GRID1: variants seen among roughly 807,000 people sequenced by gnomAD.
GRID1 encodes glutamate receptor ionotropic, delta-1.
Under a neutral mutation model 98.0 loss-of-function variants are expected in GRID1, and 28 were observed. The observed-to-expected ratio is 0.29, with a 90% CI of 0.21 to 0.39. GRID1 has a LOEUF of 0.39. Ranked by LOEUF, GRID1 falls within the 10% of genes least tolerant of loss-of-function variation. GRID1 has a pLI of 1.00. For missense variants in GRID1, 1,111 were observed against 1,340.5 expected (o/e 0.83, Z 2.67); for synonymous variants, 553 against 538.5 (o/e 1.03, Z -0.37).
chr10:85,637,464 G>C (rs1165400601), intron 13 of GRID1, among the ~76,000 whole-genome samples: 1 of 152,180 alleles, frequency 6.6e-6, no homozygotes, highest in Non-Finnish European at 1.5e-5. Context: ...TAGAACTCAG[G>C]AGGCTGAAGC....
At position 85,785,492 on chromosome 10, in the gene GRID1, G is replaced by A. The variant is rs532606523; in HGVS notation, c.1234-55878C>T. On this transcript the variant is annotated intron_variant, in intron 8 of 15. Coordinates refer to ENST00000327946, the MANE Select transcript of GRID1 (RefSeq NM_017551.3). The stretch of plus-strand genomic sequence containing the variant: ...GAATGACCACAGCTCTGCCGTGGCA[G>A]GCTTTGGGTTCCCCTCCATAAGCTG... Among the ~76,000 whole-genome samples, 259 of 152,338 alleles carry A rather than the reference G, an allele frequency of 1.7e-3. 1 individual carries two copies. Among genetic ancestry groups the A allele is most frequent in the African/African-American group, 6.0e-3 (250 of 41,580 alleles).
chr10:86,162,625 C>A (rs1421809698), intron 3 of GRID1, among the ~76,000 whole-genome samples: 3 of 152,188 alleles, frequency 2.0e-5, no homozygotes, highest in African/African-American at 4.8e-5. Context: ...GGTCTTGGGG[C>A]CAACTTTTCA....
At chr10:86,125,764 A>C (rs1477895127) in intron 4 of GRID1, among the ~76,000 whole-genome samples, 2 of 152,190 alleles carry the variant, frequency 1.3e-5, no homozygotes, top group Non-Finnish European at 2.9e-5. Flanking sequence ...CTCAACATGA[A>C]GATAACAAGG....
intron 4 of GRID1, among the ~76,000 whole-genome samples, chr10:85,946,973 G>A (rs1428960686): frequency 6.6e-6 from 1 of 152,174 alleles, no homozygotes; most frequent in Middle Eastern, 3.2e-3. Flanking sequence ...AGAGACAACA[G>A]CAAGTCCAGA....
chr10:85,800,688 A>G (rs1455460182), intron 8 of GRID1, among the ~76,000 whole-genome samples: 1 of 152,094 alleles, frequency 6.6e-6, no homozygotes, highest in Non-Finnish European at 1.5e-5. Context: ...GGAGATAAGG[A>G]CAGAAATTAA....
chr10:85,726,192 C>A (rs1841758202), intron 10 of GRID1, among the ~76,000 whole-genome samples: 1 of 152,012 alleles, frequency 6.6e-6, no homozygotes, highest in South Asian at 2.1e-4. Context: ...CAATTTTATG[C>A]CCCAAAATCT....
At chr10:86,349,450 G>A (rs1028197343) in intron 2 of GRID1, among the ~76,000 whole-genome samples, 19 of 152,210 alleles carry the variant, frequency 1.2e-4, no homozygotes, top group African/African-American at 4.6e-4. Flanking sequence ...CAGAGGCATG[G>A]GGCCTCCAGA....
intron 3 of GRID1, among the ~76,000 whole-genome samples, chr10:86,157,290 C>A (rs1845259633): frequency 6.6e-6 from 1 of 152,138 alleles, no homozygotes; most frequent in African/African-American, 2.4e-5. Flanking sequence ...ACAACTGAAG[C>A]CACAAATGTG....
chr10:85,689,126 C>G lies in GRID1; in HGVS notation c.1997+33877G>C, dbSNP rs17105781. 1.6e-3 allele frequency among the ~76,000 whole-genome samples: 247 copies of G among 152,328 alleles called. 3 individuals are homozygous for G. Among genetic ancestry groups the G allele is most frequent in the East Asian group, 0.015 (79 of 5,192 alleles). On this transcript the variant is annotated intron_variant, in intron 12 of 15. Coordinates refer to ENST00000327946, the MANE Select transcript of GRID1 (RefSeq NM_017551.3). ...CTCCGTCGAGCACGCACAACTCTCC[C>G]AACTTCCTAATACAATAATCATAAA...
chr10:85,790,029 C>G (rs1371635056), intron 8 of GRID1, among the ~76,000 whole-genome samples: 5 of 152,186 alleles, frequency 3.3e-5, no homozygotes, highest in Non-Finnish European at 7.3e-5. Flanking sequence ...CTGGCCTCAG[C>G]TTAGATTTAC....
chr10:86,001,821 C>T (rs1842805639), intron 4 of GRID1, among the ~76,000 whole-genome samples: 1 of 152,142 alleles, frequency 6.6e-6, no homozygotes, highest in African/African-American at 2.4e-5. Context: ...AAAAAAGAAA[C>T]ATGTTCTCCC....
chr10:86,112,914 G>C (rs1349773834), intron 4 of GRID1, among the ~76,000 whole-genome samples: 1 of 152,082 alleles, frequency 6.6e-6, no homozygotes, highest in Non-Finnish European at 1.5e-5. Flanking sequence ...CCAAAATTAG[G>C]GGGGAAAAGA....
intron 13 of GRID1, among the ~76,000 whole-genome samples, chr10:85,631,985 GCACA>G (rs10634848): frequency 0.018 from 2,692 of 147,806 alleles, 41 homozygotes; most frequent in East Asian, 0.052. Flanking sequence ...AAACACATAT[GCACA>G]CACACACACA....
chr10:86,341,978 G>A (rs987581569), intron 2 of GRID1, among the ~76,000 whole-genome samples: 2 of 152,184 alleles, frequency 1.3e-5, no homozygotes, highest in East Asian at 1.9e-4. Context: ...AAGTTCTATC[G>A]TGAGATGGGG....
At chr10:86,265,483 T>C (rs1847090298) in intron 2 of GRID1, among the ~76,000 whole-genome samples, 1 of 152,250 alleles carries the variant, frequency 6.6e-6, no homozygotes, top group African/African-American at 2.4e-5. Context: ...GGCATAGAGC[T>C]ATTAAGTGGC....
At chr10:85,777,676 T>C (rs779081507) in intron 8 of GRID1, among the ~76,000 whole-genome samples, 1 of 152,258 alleles carries the variant, frequency 6.6e-6, no homozygotes, top group Non-Finnish European at 1.5e-5. Context: ...GCTTTTTGCC[T>C]ACTAAAGAGA....
At chr10:86,107,506 G>A (rs1303077632) in intron 4 of GRID1, among the ~76,000 whole-genome samples, 1 of 152,180 alleles carries the variant, frequency 6.6e-6, no homozygotes, top group South Asian at 2.1e-4. Context: ...ATACAGAATG[G>A]GGGAAGGGAA....
At chr10:85,616,266 A>G (rs1842787297) in intron 14 of GRID1, among the ~76,000 whole-genome samples, 1 of 152,212 alleles carries the variant, frequency 6.6e-6, no homozygotes, top group African/African-American at 2.4e-5. Flanking sequence ...TGTCTATTTT[A>G]CATCTCAAAG....
At chr10:85,658,015 A>G (rs944336425) in intron 12 of GRID1, among the ~76,000 whole-genome samples, 3 of 152,160 alleles carry the variant, frequency 2.0e-5, no homozygotes, top group African/African-American at 7.2e-5. Context: ...ATGCACCATT[A>G]ACCTTTAATA....
Sources: gnomAD v4.1 joint callset for allele counts (sites outside exome capture counted in the v4.1 genomes callset) on GRCh38, gnomAD v4.1.1 for gene constraint, MANE v1.5 for transcripts, NCBI Gene and HGNC (gene_info 2026-07-23, HGNC 2026-07-21) for gene names.